Variants in TLL1 observed in about 807,000 individuals in gnomAD.
TLL1 encodes tolloid like 1, also known as tolloid-like protein 1.
Under a neutral mutation model 128.2 loss-of-function variants are expected in TLL1, and 49 were observed. That is an observed-to-expected ratio of 0.38 (90% CI 0.30 to 0.48). The LOEUF (loss-of-function observed/expected upper bound fraction) is 0.48, where lower values mean the gene tolerates loss of function less well. Ranked by LOEUF, TLL1 falls within the 20% of genes least tolerant of loss-of-function variation. The pLI is 0.96. For missense variants in TLL1, 1,123 were observed against 1,242.0 expected (o/e 0.90, Z 1.44); for synonymous variants, 454 against 418.8 (o/e 1.08, Z -1.03).
chr4:165,952,677 T>C (rs1411852329), intron 1 of TLL1, among the ~76,000 whole-genome samples: 50 of 152,150 alleles, frequency 3.3e-4, no homozygotes, highest in Admixed American at 3.3e-3. Context: ...GTTATTGTTT[T>C]CATGATTCTA....
intron 16 of TLL1, among the ~76,000 whole-genome samples, chr4:166,071,418 G>T (rs951078402): frequency 6.6e-6 from 1 of 151,858 alleles, no homozygotes; most frequent in Non-Finnish European, 1.5e-5. Context: ...CCATTCCAAA[G>T]AAGGGGGCTA....
intron 1 of TLL1, among the ~76,000 whole-genome samples, chr4:165,909,786 G>A (rs1332283252): frequency 6.6e-6 from 1 of 152,110 alleles, no homozygotes; most frequent in Non-Finnish European, 1.5e-5. Context: ...CCGTTACTTA[G>A]TTCTCATAAC....
intron 1 of TLL1, among the ~76,000 whole-genome samples, chr4:165,975,808 C>G (rs1010995002): frequency 6.6e-6 from 1 of 151,756 alleles, no homozygotes; most frequent in Admixed American, 6.6e-5. Context: ...GAGGCTGAGG[C>G]GGGTGGATCA....
At chr4:165,896,629 C>T (rs1731694511) in intron 1 of TLL1, among the ~76,000 whole-genome samples, 1 of 151,848 alleles carries the variant, frequency 6.6e-6, no homozygotes, top group African/African-American at 2.4e-5. Flanking sequence ...ATTACAGGCA[C>T]CCACCACCAT....
chr4:165,940,426 A>G (rs72972214), intron 1 of TLL1, among the ~76,000 whole-genome samples: 5,450 of 152,076 alleles, frequency 0.036, 293 homozygotes, highest in African/African-American at 0.12. Context: ...TGTAAATTTC[A>G]TAAAACTGAT....
At chr4:166,089,869 T>C (rs912317041) in intron 18 of TLL1, among the ~76,000 whole-genome samples, 9 of 152,210 alleles carry the variant, frequency 5.9e-5, no homozygotes, top group African/African-American at 1.9e-4. Flanking sequence ...GTAACTCCAT[T>C]CCTTTCTTCT....
chr4:165,884,119 G>A (rs540993820), intron 1 of TLL1, among the ~76,000 whole-genome samples: 70 of 152,238 alleles, frequency 4.6e-4, no homozygotes, highest in Non-Finnish European at 6.0e-4. Flanking sequence ...TTCTTATGAA[G>A]GAAACATAGA....
At chr4:166,009,713 A>G (rs1737598484) in intron 7 of TLL1, among the ~76,000 whole-genome samples, 1 of 151,476 alleles carries the variant, frequency 6.6e-6, no homozygotes, top group Admixed American at 6.6e-5. Context: ...GTCTTTAAAG[A>G]AGCTGTTTAT....
chr4:165,956,224 T>A (rs778018311), intron 1 of TLL1, among the ~76,000 whole-genome samples: 4 of 152,100 alleles, frequency 2.6e-5, no homozygotes, highest in Non-Finnish European at 5.9e-5. Flanking sequence ...GCACGTATTG[T>A]CTTGATAAAC....
chr4:165,967,331 A>G (rs1412465305), intron 1 of TLL1, among the ~76,000 whole-genome samples: 2 of 152,158 alleles, frequency 1.3e-5, no homozygotes, highest in Non-Finnish European at 2.9e-5. Context: ...GGTGACATAC[A>G]TCCTCAGCTT....
At chr4:165,899,928 T>C (rs982267197) in intron 1 of TLL1, among the ~76,000 whole-genome samples, 8 of 152,196 alleles carry the variant, frequency 5.3e-5, no homozygotes, top group African/African-American at 1.7e-4. Context: ...ATATTTAGGA[T>C]AGTTAGCTCT....
chr4:166,067,100 T>C (rs1740607914), intron 16 of TLL1, among the ~76,000 whole-genome samples: 2 of 151,806 alleles, frequency 1.3e-5, no homozygotes, highest in Admixed American at 1.3e-4. Context: ...ACTATTTGGG[T>C]GATGGGTTCA....
At chr4:166,044,326 G>T in intron 12 of TLL1, 1 of 1,522,084 alleles carries the variant, frequency 6.6e-7, no homozygotes, top group South Asian at 1.2e-5. Flanking sequence ...CTTACTGAGG[G>T]CAGTGACCGT....
intron 1 of TLL1, among the ~76,000 whole-genome samples, chr4:165,952,735 A>C (rs529928147): frequency 6.6e-6 from 1 of 152,138 alleles, no homozygotes; most frequent in Admixed American, 6.5e-5. Context: ...CACTGCCAAA[A>C]TATTCATTCA....
intron 19 of TLL1, among the ~76,000 whole-genome samples, chr4:166,093,093 G>A (rs1293338248): frequency 6.6e-6 from 1 of 152,100 alleles, no homozygotes; most frequent in Non-Finnish European, 1.5e-5. Flanking sequence ...CCACACCTGT[G>A]GGTATTTCTC....
At chr4:166,055,331 A>G in intron 13 of TLL1, 60 bp downstream of exon 13, 8 of 1,480,000 alleles carry the variant, frequency 5.4e-6, no homozygotes, top group Non-Finnish European at 7.5e-6. Flanking sequence ...TGTAGTGTTT[A>G]GCTTTGATTT....
chr4:166,094,495 C>A (rs1047957151), intron 19 of TLL1, among the ~76,000 whole-genome samples: 25 of 152,074 alleles, frequency 1.6e-4, no homozygotes, highest in Non-Finnish European at 3.2e-4. Flanking sequence ...CATTCAGATA[C>A]CCACGTGAGG....
Position 166,100,993 on chromosome 4 carries a change from C to G in TLL1, c.*117C>G. ...ATACAAAGAGTTTGAACAAAAAATC[C>G]CTGTAAGACCAGAATTATCTTTGTA... is the stretch of plus-strand genomic sequence containing the variant. On this transcript the variant is annotated 3_prime_UTR_variant, in exon 21 of 21. Coordinates refer to ENST00000061240, the MANE Select transcript of TLL1 (RefSeq NM_012464.5). 7.7e-7 allele frequency: 1 copy of G among 1,291,988 alleles called. No homozygotes were observed. The highest frequency in any genetic ancestry group is 1.1e-6 in the Non-Finnish European group (1 of 928,872). The allele number at this position is 1,291,988 out of a possible 1,614,324, so 80.0% of individuals were successfully genotyped here. A position where few individuals can be genotyped will look rare whatever the true frequency, so the allele number is the denominator to read the frequency against.
chr4:165,885,040 C>T (rs1731108858), intron 1 of TLL1, among the ~76,000 whole-genome samples: 1 of 151,970 alleles, frequency 6.6e-6, no homozygotes, highest in South Asian at 2.1e-4. Context: ...TGAGGTGAAT[C>T]TTTATTCTTT....
Sources: gnomAD v4.1 joint callset for allele counts (sites outside exome capture counted in the v4.1 genomes callset) on GRCh38, gnomAD v4.1.1 for gene constraint, MANE v1.5 for transcripts, NCBI Gene and HGNC (gene_info 2026-07-23, HGNC 2026-07-21) for gene names.